PCED1B: variants seen among roughly 807,000 people sequenced by gnomAD.
PCED1B encodes PC-esterase domain containing 1B, also known as PC-esterase domain-containing protein 1B.
For synonymous variants in PCED1B, 251 were observed against 246.1 expected, an observed-to-expected ratio of 1.02 and a Z score of -0.19; for missense variants, 573 against 573.9, an observed-to-expected ratio of 1.00 and a Z score of 0.02.
At chr12:47,090,245 A>G (rs944786735) in intron 1 of PCED1B, among the ~76,000 whole-genome samples, 1 of 152,208 alleles carries the variant, frequency 6.6e-6, no homozygotes, top group Non-Finnish European at 1.5e-5. Flanking sequence ...AAGAGAGGCA[A>G]ATGGACAACG....
chr12:47,112,505 C>T (rs1461252682), intron 2 of PCED1B, among the ~76,000 whole-genome samples: 2 of 152,172 alleles, frequency 1.3e-5, no homozygotes, highest in African/African-American at 2.4e-5. Flanking sequence ...GCAACCACTT[C>T]CACTCACTAT....
At position 47,236,522 on chromosome 12, in the gene PCED1B, A is replaced by G; in HGVS notation, c.*160A>G. ...TTGCTGTTACCAAGAAAGCCAAGGA[A>G]GAGCAGCCTGACTCATTCTTCTTGG... On this transcript the variant is annotated 3_prime_UTR_variant, in exon 4 of 4. Transcript: ENST00000546455. 1.3e-6 allele frequency: 1 copy of G among 747,644 alleles called. No homozygotes were observed. The highest frequency in any genetic ancestry group is 2.5e-5 in the South Asian group (1 of 39,712). 46.3% of individuals were successfully genotyped at this position (747,644 alleles called of 1,614,324 possible).
At chr12:47,132,763 A>G (rs996720882) in intron 2 of PCED1B, among the ~76,000 whole-genome samples, 6 of 152,232 alleles carry the variant, frequency 3.9e-5, no homozygotes, top group African/African-American at 1.4e-4. Context: ...CTAAGCCATG[A>G]GCTTCTGAGG....
intron 2 of PCED1B, among the ~76,000 whole-genome samples, chr12:47,189,679 A>C (rs1007683132): frequency 6.6e-6 from 1 of 152,210 alleles, no homozygotes; most frequent in Non-Finnish European, 1.5e-5. Context: ...CCATGGACTT[A>C]TTAGCACACT....
intron 2 of PCED1B, among the ~76,000 whole-genome samples, chr12:47,180,288 C>T (rs1942053973): frequency 6.6e-6 from 1 of 152,210 alleles, no homozygotes; most frequent in South Asian, 2.1e-4. Flanking sequence ...CTTTTTATGA[C>T]TGCATAGTAT....
At chr12:47,159,460 C>T (rs1941300152) in intron 2 of PCED1B, among the ~76,000 whole-genome samples, 1 of 152,016 alleles carries the variant, frequency 6.6e-6, no homozygotes, top group African/African-American at 2.4e-5. Flanking sequence ...GAGATGATAT[C>T]TCATTGTGGT....
chr12:47,166,338 A>G (rs1239512392), intron 2 of PCED1B, among the ~76,000 whole-genome samples: 1 of 152,136 alleles, frequency 6.6e-6, no homozygotes, highest in Non-Finnish European at 1.5e-5. Flanking sequence ...TCCCTTTAAA[A>G]TGCCCAGTAG....
chr12:47,138,803 G>A (rs764691089), intron 2 of PCED1B, among the ~76,000 whole-genome samples: 7 of 152,162 alleles, frequency 4.6e-5, no homozygotes, highest in South Asian at 4.1e-4. Context: ...CCCTAGCTAA[G>A]CCTTCTGCAT....
intron 2 of PCED1B, among the ~76,000 whole-genome samples, chr12:47,154,778 CATGT>C (rs1338756102): frequency 2.8e-4 from 26 of 92,502 alleles, no homozygotes; most frequent in African/African-American, 9.5e-4. Flanking sequence ...TGTGTGTGTG[CATGT>C]GTGTGTGTGT....
At chr12:47,173,767 T>C (rs564490062) in intron 2 of PCED1B, among the ~76,000 whole-genome samples, 1 of 152,258 alleles carries the variant, frequency 6.6e-6, no homozygotes, top group South Asian at 2.1e-4. Flanking sequence ...TCATCAATTG[T>C]TTAAGTATTA....
At chr12:47,189,473 GA>G in intron 2 of PCED1B, among the ~76,000 whole-genome samples, 1 of 152,266 alleles carries the variant, frequency 6.6e-6, no homozygotes, top group South Asian at 2.1e-4. Context: ...ATCTCACAGT[GA>G]AAATGTTCCT....
At chr12:47,223,010 G>A (rs1038060062) in intron 3 of PCED1B, among the ~76,000 whole-genome samples, 3 of 152,118 alleles carry the variant, frequency 2.0e-5, no homozygotes, top group African/African-American at 7.2e-5. Flanking sequence ...CTGACACTCT[G>A]AAAATGGGTG....
chr12:47,200,892 TTC>T (rs756722703), intron 2 of PCED1B, among the ~76,000 whole-genome samples: 3 of 152,244 alleles, frequency 2.0e-5, no homozygotes, highest in Non-Finnish European at 2.9e-5. Flanking sequence ...TTCATTTAAA[TTC>T]TGTTTCCCCA....
intron 3 of PCED1B, chr12:47,224,184 A>G (rs1943567684): frequency 6.6e-6 from 1 of 152,238 alleles, no homozygotes; most frequent in African/African-American, 2.4e-5. Context: ...TGCTTTGATT[A>G]TTTATTTTAG....
intron 2 of PCED1B, among the ~76,000 whole-genome samples, chr12:47,171,644 C>A (rs1565580947): frequency 6.6e-6 from 1 of 152,160 alleles, no homozygotes; most frequent in Non-Finnish European, 1.5e-5. Flanking sequence ...TGCATAGCCA[C>A]AAATATAGTT....
At chr12:47,198,775 G>A (rs1942681405) in intron 2 of PCED1B, among the ~76,000 whole-genome samples, 2 of 152,034 alleles carry the variant, frequency 1.3e-5, no homozygotes, top group Admixed American at 1.3e-4. Flanking sequence ...GACCAGCCCG[G>A]CTAACATGGT....
At chr12:47,162,919 C>A (rs532738934) in intron 2 of PCED1B, among the ~76,000 whole-genome samples, 2 of 152,288 alleles carry the variant, frequency 1.3e-5, no homozygotes, top group African/African-American at 4.8e-5. Context: ...CAGGGACCAC[C>A]TAAGATTGCC....
chr12:47,088,129 A>T (rs981965922), intron 1 of PCED1B, among the ~76,000 whole-genome samples: 2 of 152,236 alleles, frequency 1.3e-5, no homozygotes, highest in African/African-American at 4.8e-5. Context: ...TGAAACATGT[A>T]AAAAGTGCTT....
At chr12:47,198,099 A>G (rs1290207750) in intron 2 of PCED1B, among the ~76,000 whole-genome samples, 1 of 152,220 alleles carries the variant, frequency 6.6e-6, no homozygotes, top group Non-Finnish European at 1.5e-5. Flanking sequence ...AAGAAAGGAA[A>G]ACTACAGACT....
Sources: gnomAD v4.1 joint callset for allele counts (sites outside exome capture counted in the v4.1 genomes callset) on GRCh38, gnomAD v4.1.1 for gene constraint, MANE v1.5 for transcripts, NCBI Gene and HGNC (gene_info 2026-07-23, HGNC 2026-07-21) for gene names.